SNTG1: variants seen among roughly 807,000 people sequenced by gnomAD.
The protein encoded by SNTG1 is gamma-1-syntrophin.
In SNTG1, 39 loss-of-function variants were observed where a neutral mutation model predicts 74.7. The ratio of observed to expected loss-of-function variants is 0.52; its 90% CI spans 0.40 to 0.68. The LOEUF (loss-of-function observed/expected upper bound fraction) is 0.68. Among genes scored for constraint, SNTG1 ranks in the 30% least tolerant of loss-of-function variants. SNTG1 has a pLI of 0.00. For missense variants in SNTG1, 685 were observed against 609.5 expected (o/e 1.12, Z -1.30); for synonymous variants, 254 against 217.1 (o/e 1.17, Z -1.49).
intron 15 of SNTG1, among the ~76,000 whole-genome samples, chr8:50,698,378 G>A (rs1278584507): frequency 2.6e-5 from 4 of 152,130 alleles, no homozygotes; most frequent in Non-Finnish European, 4.4e-5. Flanking sequence ...AGTTAGTGCA[G>A]TTTACTTCTA....
At chr8:50,309,869 C>T (rs1020107055) in intron 2 of SNTG1, among the ~76,000 whole-genome samples, 18 of 152,088 alleles carry the variant, frequency 1.2e-4, no homozygotes, top group Non-Finnish European at 1.9e-4. Flanking sequence ...ATTCGCTGTC[C>T]GCAAACTCCA....
chr8:50,692,869 C>T (rs1198448156), intron 15 of SNTG1, among the ~76,000 whole-genome samples: 1 of 152,256 alleles, frequency 6.6e-6, no homozygotes, highest in African/African-American at 2.4e-5. Flanking sequence ...CAGAGGCAGG[C>T]AGGCCTCCTT....
chr8:50,334,745 C>G (rs1395239425), intron 2 of SNTG1, among the ~76,000 whole-genome samples: 2 of 152,098 alleles, frequency 1.3e-5, no homozygotes, highest in East Asian at 1.9e-4. Context: ...GAAAAATGAG[C>G]TTTCCTTATA....
At chr8:50,074,247 C>T in intron 1 of SNTG1, among the ~76,000 whole-genome samples, 1 of 152,110 alleles carries the variant, frequency 6.6e-6, no homozygotes, top group East Asian at 1.9e-4. Flanking sequence ...TTTCTTAAAC[C>T]TCATGAATCA....
At chr8:50,737,795 C>G (rs1585675974) in intron 17 of SNTG1, among the ~76,000 whole-genome samples, 2 of 152,084 alleles carry the variant, frequency 1.3e-5, no homozygotes, top group South Asian at 4.2e-4. Flanking sequence ...ATAAACAGAA[C>G]CAATTACAAA....
chr8:50,693,211 T>C (rs10095126), intron 15 of SNTG1, among the ~76,000 whole-genome samples: 126,708 of 152,042 alleles, frequency 0.83, 54,099 homozygotes, highest in Non-Finnish European at 0.92. Context: ...CCGGGTGAGG[T>C]GATGCCTCGC....
chr8:50,733,358 T>C (rs1304401012), intron 17 of SNTG1, among the ~76,000 whole-genome samples: 1 of 152,048 alleles, frequency 6.6e-6, no homozygotes, highest in East Asian at 1.9e-4. Flanking sequence ...TGATTCCATG[T>C]CTTTGCAATT....
At chr8:50,212,497 G>C (rs546410600) in intron 2 of SNTG1, among the ~76,000 whole-genome samples, 1 of 152,266 alleles carries the variant, frequency 6.6e-6, no homozygotes, top group South Asian at 2.1e-4. Context: ...TAAGTAATGT[G>C]TGATGTATAC....
intron 12 of SNTG1, among the ~76,000 whole-genome samples, chr8:50,554,585 A>G (rs1346304385): frequency 1.3e-5 from 2 of 152,008 alleles, no homozygotes; most frequent in Non-Finnish European, 2.9e-5. Flanking sequence ...AGTTTGGGCA[A>G]GAGTGAGCTC....
chr8:50,100,777 C>T (rs547638508), intron 1 of SNTG1, among the ~76,000 whole-genome samples: 1 of 152,006 alleles, frequency 6.6e-6, no homozygotes, highest in African/African-American at 2.4e-5. Context: ...ACTTAACATT[C>T]CTTTTTTTAA....
chr8:50,131,224 A>G (rs769557174), intron 1 of SNTG1, among the ~76,000 whole-genome samples: 1 of 152,130 alleles, frequency 6.6e-6, no homozygotes, highest in Non-Finnish European at 1.5e-5. Context: ...GCAATCAGGA[A>G]AGCATTCACA....
chr8:50,523,981 T>A (rs1362079718), intron 9 of SNTG1, among the ~76,000 whole-genome samples: 2 of 152,156 alleles, frequency 1.3e-5, no homozygotes, highest in Non-Finnish European at 2.9e-5. Flanking sequence ...AAATAATTGC[T>A]GATAGGGAAA....
At chr8:50,174,761 G>A (rs979796091) in intron 2 of SNTG1, among the ~76,000 whole-genome samples, 3 of 152,058 alleles carry the variant, frequency 2.0e-5, no homozygotes, top group African/African-American at 7.2e-5. Context: ...TGCACAACGT[G>A]CAGGTTTGTT....
chr8:50,626,037 T>C (rs1023403108), intron 13 of SNTG1, among the ~76,000 whole-genome samples: 22 of 152,082 alleles, frequency 1.4e-4, no homozygotes, highest in African/African-American at 5.3e-4. Flanking sequence ...TGTTCAAAGT[T>C]TTTTCTGATA....
chr8:50,224,262 A>G (rs963591116), intron 2 of SNTG1, among the ~76,000 whole-genome samples: 27 of 152,204 alleles, frequency 1.8e-4, no homozygotes, highest in African/African-American at 6.3e-4. Flanking sequence ...AATATTTAAA[A>G]CAAGGGAAAA....
Position 50,029,354 on chromosome 8 carries a change from A to G in SNTG1, c.-103+117123A>G, listed in dbSNP as rs917968959. Among the ~76,000 whole-genome samples the G allele has an allele frequency of 6.6e-5, 10 of 152,104 alleles. No homozygotes were observed. The East Asian group carries it at 1.9e-3, about 29-fold the overall frequency. On this transcript the variant is annotated intron_variant, in intron 1 of 18. Coordinates refer to ENST00000642720, the MANE Select transcript of SNTG1 (RefSeq NM_018967.5). Reference sequence around the variant, plus strand: ...ATTTCTTTGTGTTAGAATCATTTCAATTCCATCCTCTTTGTTATTTTAAAA... The same window carrying G: ...ATTTCTTTGTGTTAGAATCATTTCAGTTCCATCCTCTTTGTTATTTTAAAA...
intron 1 of SNTG1, among the ~76,000 whole-genome samples, chr8:49,987,488 G>A (rs1163240680): frequency 6.6e-6 from 1 of 152,026 alleles, no homozygotes; most frequent in African/African-American, 2.4e-5. Context: ...TCTTGAAATA[G>A]GGCCCAAATT....
intron 18 of SNTG1, among the ~76,000 whole-genome samples, chr8:50,777,657 T>A (rs1164178670): frequency 4.0e-5 from 6 of 151,696 alleles, no homozygotes; most frequent in Non-Finnish European, 5.9e-5. Flanking sequence ...TTCCATTCAG[T>A]GTGAGTTTTC....
chr8:49,959,052 T>C (rs1392560337), intron 1 of SNTG1, among the ~76,000 whole-genome samples: 1 of 152,204 alleles, frequency 6.6e-6, no homozygotes, highest in Non-Finnish European at 1.5e-5. Context: ...TCTAATTAGC[T>C]CTTTTGAATT....
Sources: gnomAD v4.1 joint callset for allele counts (sites outside exome capture counted in the v4.1 genomes callset) on GRCh38, gnomAD v4.1.1 for gene constraint, MANE v1.5 for transcripts, NCBI Gene and HGNC (gene_info 2026-07-23, HGNC 2026-07-21) for gene names.